The following KLHL20 variants were observed in gnomAD, a reference collection of about 807,000 sequenced individuals.
KLHL20 encodes the protein kelch-like protein 20.
KLHL20 carries 29 observed loss-of-function variants against 69.5 expected under a neutral mutation model. The ratio of observed to expected loss-of-function variants is 0.42; its 90% CI spans 0.31 to 0.57. The LOEUF is 0.57. Among genes scored for constraint, KLHL20 ranks in the 20% least tolerant of loss-of-function variants. The pLI, the probability that KLHL20 is intolerant of heterozygous loss-of-function variation, is 0.18. For missense variants in KLHL20, 419 were observed against 776.0 expected, an observed-to-expected ratio of 0.54 and a Z score of 5.47; for synonymous variants, 253 against 265.2, an observed-to-expected ratio of 0.95 and a Z score of 0.45.
At chr1:173,748,074 G>A (rs1451250777) in intron 3 of KLHL20, among the ~76,000 whole-genome samples, 1 of 151,802 alleles carries the variant, frequency 6.6e-6, no homozygotes, top group African/African-American at 2.4e-5. Flanking sequence ...GATGAAATAG[G>A]CAAATTCTCT....
At chr1:173,782,304 A>G (rs1443898907) in intron 11 of KLHL20, 74 bp downstream of exon 11, 8 of 1,093,414 alleles carry the variant, frequency 7.3e-6, no homozygotes, top group African/African-American at 3.1e-5. Context: ...GCCTATGACC[A>G]TCAGAACTGG....
At chr1:173,763,585 C>T (rs10798298) in intron 7 of KLHL20, among the ~76,000 whole-genome samples, 13,703 of 151,962 alleles carry the variant, frequency 0.09, 2,000 homozygotes, top group African/African-American at 0.31. Flanking sequence ...TAAACCCAAA[C>T]ACTTACAGCC....
At chr1:173,754,376 C>A (rs968998256) in intron 5 of KLHL20, among the ~76,000 whole-genome samples, 1 of 151,966 alleles carries the variant, frequency 6.6e-6, no homozygotes, top group Admixed American at 6.6e-5. Flanking sequence ...CACCTGAGGT[C>A]AGGAGTTCGA....
intron 2 of KLHL20, among the ~76,000 whole-genome samples, chr1:173,722,687 A>ATT (rs66503240): frequency 0.1 from 14,179 of 138,292 alleles, 2,294 homozygotes; most frequent in African/African-American, 0.34. Flanking sequence ...TGCTATGGTA[A>ATT]TTTTTTTTTT....
chr1:173,764,721 T>TG (rs1344511636), intron 7 of KLHL20, among the ~76,000 whole-genome samples: 3 of 151,872 alleles, frequency 2.0e-5, no homozygotes, highest in Admixed American at 6.6e-5. Flanking sequence ...TTTGGGGACT[T>TG]GGGGGGAAGA....
intron 1 of KLHL20, chr1:173,715,458 G>A (rs1338725082): frequency 6.6e-6 from 1 of 152,368 alleles, no homozygotes; most frequent in African/African-American, 2.4e-5. Flanking sequence ...CATTGTATCG[G>A]GGACTGAAGG....
chr1:173,756,118 T>C, intron 6 of KLHL20, 80 bp downstream of exon 6: 1 of 970,284 alleles, frequency 1.0e-6, no homozygotes, highest in Non-Finnish European at 1.6e-6. Flanking sequence ...CTTTGGACAA[T>C]TATGATATTT....
In KLHL20 at chr1:173,751,806, C is replaced by T. The variant is rs1673327759; in HGVS notation, c.640C>T (p.Leu214Phe). The T allele has an allele frequency of 6.2e-7, 1 of 1,613,924 alleles. No homozygotes were observed. The highest frequency in any genetic ancestry group is 1.7e-5 in the Admixed American group (1 of 60,002). The change falls in exon 4 of 12, where the codon CTC (leucine) becomes TTC (phenylalanine). Residue 214 changes from leucine (L) to phenylalanine (F), a missense_variant. Leu to Phe is a conservative substitution (Grantham distance 22). Transcript: ENST00000209884. ...EEFMLLPANQ[L>F]IDIISSDELN... is the part of the protein sequence containing the mutation. ...GTTCATGTTGCTTCCAGCCAATCAA[C>T]TCATTGATATAATATCCAGTGATGA...
Position 173,782,141 on chromosome 1 carries a change from C to T in KLHL20, c.1656C>T (p.Val552=). The change falls in exon 11 of 12, where the codon GTC becomes GTT. Residue 552 remains valine, a synonymous_variant. Transcript: ENST00000209884. ...TTTTGTAGGTTGGCCTGGCAGTGGT[C>T]AATGGACAGCTCATGGCAGTAGGAG... is the stretch of plus-strand genomic sequence containing the variant. ...SRRSGVGLAV[V]NGQLMAVGGF... 1 of 1,613,918 alleles carries T rather than the reference C, an allele frequency of 6.2e-7. No homozygotes were observed. The highest frequency in any genetic ancestry group is 1.1e-5 in the South Asian group (1 of 91,052).
chr1:173,748,092 A>G (rs1179430011), intron 3 of KLHL20, among the ~76,000 whole-genome samples: 1 of 152,056 alleles, frequency 6.6e-6, no homozygotes, highest in Non-Finnish European at 1.5e-5. Context: ...TCTGAAGAAA[A>G]CACAAATTAC....
chr1:173,739,549 C>T (rs558081527), intron 3 of KLHL20, among the ~76,000 whole-genome samples: 120 of 151,996 alleles, frequency 7.9e-4, no homozygotes, highest in Admixed American at 1.7e-3. Flanking sequence ...AGGAACTTAT[C>T]CATCTCCTCC....
At chr1:173,755,621 G>T (rs1230790683) in intron 5 of KLHL20, among the ~76,000 whole-genome samples, 1 of 152,170 alleles carries the variant, frequency 6.6e-6, no homozygotes, top group African/African-American at 2.4e-5. Context: ...ACTCTGCAGT[G>T]TGGTAATCAA....
At chr1:173,780,839 C>T (rs146915359) in intron 10 of KLHL20, among the ~76,000 whole-genome samples, 185 of 152,144 alleles carry the variant, frequency 1.2e-3, no homozygotes, top group African/African-American at 4.2e-3. Flanking sequence ...AAGTGATTCT[C>T]CTGCCTCAGC....
intron 3 of KLHL20, among the ~76,000 whole-genome samples, chr1:173,735,490 G>A (rs1040143524): frequency 6.6e-6 from 1 of 151,754 alleles, no homozygotes; most frequent in African/African-American, 2.4e-5. Context: ...TCCTAAGAGT[G>A]CTAGAAAACC....
chr1:173,747,424 T>C (rs1673113044), intron 3 of KLHL20, among the ~76,000 whole-genome samples: 1 of 152,090 alleles, frequency 6.6e-6, no homozygotes, highest in African/African-American at 2.4e-5. Flanking sequence ...ATTTAATTCA[T>C]TTGTTGTCTA....
At chr1:173,715,340 C>T (rs1671418628) in intron 1 of KLHL20, 2 of 152,320 alleles carry the variant, frequency 1.3e-5, no homozygotes, top group Admixed American at 1.3e-4. Context: ...GGTTTCGCAT[C>T]CTGGACAGCT....
intron 2 of KLHL20, among the ~76,000 whole-genome samples, chr1:173,732,386 T>A (rs79720162): frequency 0.061 from 9,281 of 152,138 alleles, 998 homozygotes; most frequent in African/African-American, 0.21. Flanking sequence ...AAGAGAGAGA[T>A]TCTTTTCCTT....
At chr1:173,731,060 A>G (rs1277226479) in intron 2 of KLHL20, among the ~76,000 whole-genome samples, 7 of 152,352 alleles carry the variant, frequency 4.6e-5, no homozygotes, top group African/African-American at 1.7e-4. Flanking sequence ...GGCAGAGGAT[A>G]TGAACAGACA....
At chr1:173,722,604 A>G (rs923862417) in intron 2 of KLHL20, among the ~76,000 whole-genome samples, 3 of 152,106 alleles carry the variant, frequency 2.0e-5, no homozygotes, top group Admixed American at 2.0e-4. Context: ...GTGACAGAGC[A>G]ATACCTTATT....
Sources: allele counts gnomAD v4.1 joint callset (sites outside exome capture counted in the v4.1 genomes callset), GRCh38; gene constraint gnomAD v4.1.1; transcripts MANE v1.5; gene names NCBI Gene and HGNC (gene_info 2026-07-23, HGNC 2026-07-21).